The following SCN3A variants were observed in gnomAD, a reference collection of about 807,000 sequenced individuals.
The protein encoded by SCN3A is sodium channel protein type 3 subunit alpha.
SCN3A carries 60 observed loss-of-function variants against 187.6 expected under a neutral mutation model. That is an observed-to-expected ratio of 0.32 (90% CI 0.26 to 0.40). SCN3A has a LOEUF of 0.40. Ranked by LOEUF, SCN3A falls within the 10% of genes least tolerant of loss-of-function variation. The pLI is 1.00. For synonymous variants in SCN3A, 788 were observed against 829.2 expected (o/e 0.95, Z 0.85); for missense variants, 1,601 against 2,428.2 (o/e 0.66, Z 7.16).
At chr2:165,124,093 T>C (rs932571771) in intron 18 of SCN3A, among the ~76,000 whole-genome samples, 4 of 152,124 alleles carry the variant, frequency 2.6e-5, no homozygotes, top group Non-Finnish European at 5.9e-5. Flanking sequence ...ATAATTTCTT[T>C]ACATTTTGTA....
intron 18 of SCN3A, among the ~76,000 whole-genome samples, chr2:165,123,090 G>C (rs1686790051): frequency 6.6e-6 from 1 of 151,730 alleles, no homozygotes; most frequent in African/African-American, 2.4e-5. Flanking sequence ...AAGAAATTAT[G>C]ATTATGAGAA....
At chr2:165,198,279 A>G (rs988966041) in intron 1 of SCN3A, among the ~76,000 whole-genome samples, 1 of 152,044 alleles carries the variant, frequency 6.6e-6, no homozygotes, top group Non-Finnish European at 1.5e-5. Flanking sequence ...CATAGATTCA[A>G]GGATTTGAAA....
intron 9 of SCN3A, among the ~76,000 whole-genome samples, chr2:165,156,512 CAAAAAAAAAAAAAAAAAAAAAA>C (rs558407270): frequency 9.4e-5 from 6 of 63,704 alleles, no homozygotes; most frequent in South Asian, 7.9e-4. Context: ...GACTCTGACT[CAAAAAAAAAAAAAAAAAAAAAA>C]AAAAAAAAAA....
intron 2 of SCN3A, among the ~76,000 whole-genome samples, chr2:165,181,234 G>A (rs1390592949): frequency 1.3e-5 from 2 of 152,088 alleles, no homozygotes; most frequent in African/African-American, 4.8e-5. Context: ...GCTGGAAAAG[G>A]GAGTGTTTTA....
intron 18 of SCN3A, among the ~76,000 whole-genome samples, chr2:165,127,064 G>C (rs1418183885): frequency 6.6e-6 from 1 of 152,012 alleles, no homozygotes; most frequent in Non-Finnish European, 1.5e-5. Context: ...TTTTTGGAAG[G>C]CTACTTTTTT....
At chr2:165,114,733 C>T (rs1031982637) in intron 19 of SCN3A, among the ~76,000 whole-genome samples, 2 of 152,222 alleles carry the variant, frequency 1.3e-5, no homozygotes, top group African/African-American at 4.8e-5. Context: ...ACATTAACCA[C>T]ATTGGAACTG....
intron 18 of SCN3A, among the ~76,000 whole-genome samples, chr2:165,127,244 T>C (rs549305938): frequency 5.5e-4 from 83 of 151,296 alleles, no homozygotes; most frequent in African/African-American, 1.9e-3. Context: ...TTTTTTTTTG[T>C]AGAGAGGAGA....
At chr2:165,177,721 G>A (rs1298351469) in intron 2 of SCN3A, among the ~76,000 whole-genome samples, 4 of 152,146 alleles carry the variant, frequency 2.6e-5, no homozygotes, top group Non-Finnish European at 5.9e-5. Context: ...ATTTCTCAGG[G>A]AAGGGAACAA....
At chr2:165,112,778 T>C in intron 21 of SCN3A, 107 bp downstream of exon 21, 1 of 982,630 alleles carries the variant, frequency 1.0e-6, no homozygotes, top group Non-Finnish European at 1.6e-6. Context: ...TTTAAATAAC[T>C]GCATAATTAT....
At chr2:165,148,753 T>C (rs1688501965) in intron 11 of SCN3A, among the ~76,000 whole-genome samples, 1 of 152,094 alleles carries the variant, frequency 6.6e-6, no homozygotes, top group African/African-American at 2.4e-5. Context: ...AGAATTTAGA[T>C]ATTTATAAAA....
rs1001149906 is a variant in SCN3A at position 165,190,351 on chromosome 2, C to T, written c.-247-3604G>A. Among the ~76,000 whole-genome samples, 4 of 152,048 alleles carry T rather than the reference C, an allele frequency of 2.6e-5. No homozygotes were observed. The South Asian group carries it at 8.3e-4, about 32-fold the overall frequency. On this transcript the variant is annotated intron_variant, in intron 1 of 27. Transcript: ENST00000283254. ...TCTTTGTGTTGTATAAAATTCATTT[C>T]TTCCTTTAAAAATGTTGAGCTCAGG...
intron 21 of SCN3A, among the ~76,000 whole-genome samples, chr2:165,102,058 T>C (rs1319950363): frequency 6.6e-6 from 1 of 152,230 alleles, no homozygotes; most frequent in Non-Finnish European, 1.5e-5. Flanking sequence ...TATGCTCCTT[T>C]TCCTCAGGAG....
intron 16 of SCN3A, among the ~76,000 whole-genome samples, chr2:165,130,963 G>A (rs1033100735): frequency 1.2e-4 from 18 of 151,916 alleles, no homozygotes; most frequent in African/African-American, 4.4e-4. Flanking sequence ...TTTACAGACT[G>A]TAAGGCCAAA....
rs1190379287 is a variant in SCN3A, at chr2:165,179,175, AT to A, written c.-50-2732del. 2.3e-4 allele frequency among the ~76,000 whole-genome samples: 35 copies of A among 152,282 alleles called. 1 individual carries two copies. In the South Asian group the frequency reaches 7.2e-3, roughly 32 times the overall value. ...GATTTGAGGATTTGGTTTTGAACTA[AT>A]TTTGATGTCTTTATTGACAATGAAT... On this transcript the variant is annotated intron_variant, in intron 2 of 27. Coordinates refer to ENST00000283254, the MANE Select transcript of SCN3A (RefSeq NM_006922.4).
intron 19 of SCN3A, among the ~76,000 whole-genome samples, chr2:165,115,013 T>C (rs548108360): frequency 6.6e-6 from 1 of 152,110 alleles, no homozygotes; most frequent in Non-Finnish European, 1.5e-5. Context: ...AAGATAAACA[T>C]GCCTTCACTA....
Position 165,090,542 on chromosome 2 carries a change from G to C in SCN3A, c.5611C>G (p.Arg1871Gly). 1 of 1,613,842 alleles carries C rather than the reference G, an allele frequency of 6.2e-7. No homozygotes were observed. Among genetic ancestry groups the C allele is most frequent in the Non-Finnish European group, 8.5e-7 (1 of 1,179,934 alleles). The change falls in exon 28 of 28, where the codon CGA (arginine) becomes GGA (glycine). Residue 1871 changes from arginine to glycine, a missense_variant. Physicochemically the swap from Arg to Gly is moderately radical, Grantham distance 125. This residue lies in a region of SCN3A where 110 missense variants were observed against 175.9 expected (regional missense o/e 0.63). Coordinates refer to ENST00000283254, the MANE Select transcript of SCN3A (RefSeq NM_006922.4). The surrounding 1 kb of genome is among the most constrained non-coding windows in gnomAD (Gnocchi z 4.0). ...ATAAACCTGTCTTCCATCTGTATTC[G>C]AAGGGCATCCATCTCTCCACTCTCA... Reference protein sequence around the residue: ...LGESGEMDALRIQMEDRFMAS... With the variant: ...LGESGEMDALGIQMEDRFMAS...
Position 165,140,615 on chromosome 2 carries a change from A to T in SCN3A, c.2019+36T>A. Reference sequence around the variant, plus strand: ...AGGCTTTGATTATTTCAAATTGGTGAATAATGTCAGTAGCAGCTAGGTCAT... The same window carrying T: ...AGGCTTTGATTATTTCAAATTGGTGTATAATGTCAGTAGCAGCTAGGTCAT... On this transcript the variant is annotated intron_variant, in intron 13 of 27. Transcript: ENST00000283254. The surrounding 1 kb of genome is among the most constrained non-coding windows in gnomAD (Gnocchi z 4.2). 1 of 1,568,664 alleles carries T rather than the reference A, an allele frequency of 6.4e-7. No homozygotes were observed. Among genetic ancestry groups the T allele is most frequent in the Non-Finnish European group, 8.8e-7 (1 of 1,138,586 alleles).
At chr2:165,149,732 A>G (rs1436549128) in intron 11 of SCN3A, among the ~76,000 whole-genome samples, 1 of 152,210 alleles carries the variant, frequency 6.6e-6, no homozygotes, top group African/African-American at 2.4e-5. Context: ...TGTCCTGCGT[A>G]TGAGAATAAC....
At chr2:165,202,346 T>C (rs1189679799) in intron 1 of SCN3A, among the ~76,000 whole-genome samples, 1 of 151,996 alleles carries the variant, frequency 6.6e-6, no homozygotes, top group Non-Finnish European at 1.5e-5. Context: ...CATTCATAAA[T>C]GTAAACCAGT....
Sources: gnomAD v4.1 joint callset for allele counts (sites outside exome capture counted in the v4.1 genomes callset) on GRCh38, gnomAD v4.1.1 for gene constraint, gnomAD v4.1.1 regional missense constraint, Gnocchi (gnomAD v3.1) non-coding constraint, MANE v1.5 for transcripts, NCBI Gene and HGNC (gene_info 2026-07-23, HGNC 2026-07-21) for gene names.